SGCG: variants seen among roughly 807,000 people sequenced by gnomAD.
The protein encoded by SGCG is gamma-sarcoglycan.
A neutral mutation model predicts 29.3 loss-of-function variants in SGCG; 26 were observed. That is an observed-to-expected ratio of 0.89 (90% confidence interval 0.65 to 1.23). The LOEUF (loss-of-function observed/expected upper bound fraction) is 1.23. Among genes scored for constraint, SGCG ranks in the 50% most tolerant of loss-of-function variants. The pLI, the probability that SGCG is intolerant of heterozygous loss-of-function variation, is 0.00. For synonymous variants in SGCG, 145 were observed against 129.7 expected, an observed-to-expected ratio of 1.12 and a Z score of -0.80; for missense variants, 353 against 356.0, an observed-to-expected ratio of 0.99 and a Z score of 0.07.
At chr13:23,312,101 A>G (rs1882622445) in intron 6 of SGCG, among the ~76,000 whole-genome samples, 1 of 152,214 alleles carries the variant, frequency 6.6e-6, no homozygotes, top group African/African-American at 2.4e-5. Context: ...CTTTGGCTCC[A>G]AGTAATCCAG....
intron 4 of SGCG, among the ~76,000 whole-genome samples, chr13:23,265,266 A>T (rs1442234125): frequency 6.6e-6 from 1 of 152,002 alleles, no homozygotes; most frequent in Non-Finnish European, 1.5e-5. Context: ...GAAAAAAAAA[A>T]TGAATAATAT....
intron 1 of SGCG, among the ~76,000 whole-genome samples, chr13:23,200,232 G>T (rs1357188739): frequency 1.3e-5 from 2 of 152,070 alleles, no homozygotes; most frequent in African/African-American, 4.8e-5. Flanking sequence ...AGACCAGCCT[G>T]GCCAACATGG....
intron 2 of SGCG, among the ~76,000 whole-genome samples, chr13:23,211,889 T>A (rs1306700216): frequency 1.3e-5 from 2 of 152,080 alleles, no homozygotes; most frequent in Non-Finnish European, 2.9e-5. Context: ...CCACCCAATC[T>A]CCTGTTGAAT....
chr13:23,288,740 C>T (rs1054340880), intron 5 of SGCG, among the ~76,000 whole-genome samples: 6 of 152,184 alleles, frequency 3.9e-5, no homozygotes, highest in Non-Finnish European at 7.3e-5. Flanking sequence ...CTTCAAAAAA[C>T]TATTCTACAC....
intron 2 of SGCG, chr13:23,217,438 CACGA>C (rs1878473696): frequency 6.6e-6 from 1 of 152,058 alleles, no homozygotes; most frequent in Non-Finnish European, 1.5e-5. Flanking sequence ...ATTTTAAAAA[CACGA>C]ATTCTTCATG....
chr13:23,192,456 C>T (rs191549006), intron 1 of SGCG, among the ~76,000 whole-genome samples: 3 of 152,192 alleles, frequency 2.0e-5, no homozygotes, highest in East Asian at 3.9e-4. Flanking sequence ...TGCAATGGTG[C>T]GATCTCGGCT....
chr13:23,279,647 A>G (rs1172737882), intron 5 of SGCG, among the ~76,000 whole-genome samples, 169 bp downstream of exon 5: 1 of 149,632 alleles, frequency 6.7e-6, no homozygotes, highest in Non-Finnish European at 1.5e-5. Flanking sequence ...CTCTCCTAGA[A>G]GAACAAAATC....
chr13:23,255,930 C>T (rs1438150748), intron 4 of SGCG, among the ~76,000 whole-genome samples: 1 of 152,114 alleles, frequency 6.6e-6, no homozygotes, highest in African/African-American at 2.4e-5. Flanking sequence ...GGGAAGCTCC[C>T]CACAGGAGAC....
the SGCG span, among the ~76,000 whole-genome samples, chr13:23,168,808 T>G: frequency 4.6e-5 from 7 of 152,170 alleles, no homozygotes; most frequent in Non-Finnish European, 7.3e-5. Flanking sequence ...GCTATTAATA[T>G]GCACTCCATT....
intron 6 of SGCG, among the ~76,000 whole-genome samples, chr13:23,313,052 C>CTT (rs2137513058): frequency 6.6e-6 from 1 of 152,180 alleles, no homozygotes; most frequent in Non-Finnish European, 1.5e-5. Flanking sequence ...TCTTATCATA[C>CTT]TTATATTCAT....
chr13:23,246,098 A>AG, intron 3 of SGCG: 1 of 113,578 alleles, frequency 8.8e-6, no homozygotes, highest in Non-Finnish European at 1.9e-5. Flanking sequence ...AGCAGCAGCA[A>AG]CAACAACATA....
intron 5 of SGCG, among the ~76,000 whole-genome samples, chr13:23,292,361 T>A (rs142792248): frequency 1.3e-5 from 2 of 152,212 alleles, no homozygotes; most frequent in South Asian, 2.1e-4. Context: ...CTGCCTGCCT[T>A]GGCCTCCCAA....
At chr13:23,227,212 T>C (rs2137535769) in intron 2 of SGCG, among the ~76,000 whole-genome samples, 1 of 152,218 alleles carries the variant, frequency 6.6e-6, no homozygotes, top group East Asian at 1.9e-4. Context: ...GAGCAATCTT[T>C]TTGTGAAAAT....
chr13:23,266,373 T>A (rs139088817), intron 4 of SGCG, among the ~76,000 whole-genome samples: 197 of 151,148 alleles, frequency 1.3e-3, no homozygotes, highest in African/African-American at 4.4e-3. Context: ...TGAAAAAGAG[T>A]GATATAATGT....
intron 6 of SGCG, among the ~76,000 whole-genome samples, chr13:23,309,907 G>A (rs944796491): frequency 6.6e-6 from 1 of 151,642 alleles, no homozygotes; most frequent in African/African-American, 2.4e-5. Flanking sequence ...ATTTTTCCTT[G>A]TTACTCATTA....
chr13:23,227,923 C>T (rs9652064), intron 2 of SGCG, among the ~76,000 whole-genome samples: 14 of 151,916 alleles, frequency 9.2e-5, no homozygotes, highest in Admixed American at 2.0e-4. Flanking sequence ...GGATCCTCCC[C>T]GCTCAGCCTC....
chr13:23,191,350 A>G (rs977231063), intron 1 of SGCG, among the ~76,000 whole-genome samples: 3 of 152,190 alleles, frequency 2.0e-5, no homozygotes, highest in African/African-American at 4.8e-5. Flanking sequence ...GCCAGTCTGA[A>G]GAAGGAAAGG....
intron 4 of SGCG, among the ~76,000 whole-genome samples, chr13:23,262,837 A>T (rs1181106132): frequency 6.6e-6 from 1 of 152,064 alleles, no homozygotes; most frequent in Non-Finnish European, 1.5e-5. Flanking sequence ...AAAACTGGAG[A>T]TAAATTCCAA....
upstream of SGCG, among the ~76,000 whole-genome samples, chr13:23,177,473 T>C (rs1169965587): frequency 6.6e-6 from 1 of 152,100 alleles, no homozygotes; most frequent in Non-Finnish European, 1.5e-5. Context: ...TGTATACATG[T>C]ATTGAAGTAT....
Sources: gnomAD v4.1 joint callset for allele counts (sites outside exome capture counted in the v4.1 genomes callset) on GRCh38, gnomAD v4.1.1 for gene constraint, MANE v1.5 for transcripts, NCBI Gene and HGNC (gene_info 2026-07-23, HGNC 2026-07-21) for gene names.